LRRC7: variants seen among roughly 807,000 people sequenced by gnomAD.
The protein encoded by LRRC7 is leucine-rich repeat-containing protein 7.
In LRRC7, 23 loss-of-function variants were observed where a neutral mutation model predicts 175.7. That is an observed-to-expected ratio of 0.13 (90% CI 0.09 to 0.19). The LOEUF (loss-of-function observed/expected upper bound fraction) is 0.19, where lower values mean the gene tolerates loss of function less well. Among genes scored for constraint, LRRC7 ranks in the 10% least tolerant of loss-of-function variants. The pLI, the probability that LRRC7 is intolerant of heterozygous loss-of-function variation, is 1.00. For synonymous variants in LRRC7, 685 were observed against 680.9 expected, an observed-to-expected ratio of 1.01 and a Z score of -0.09; for missense variants, 1,354 against 1,904.7, an observed-to-expected ratio of 0.71 and a Z score of 5.38.
In LRRC7 at chr1:69,879,212, T is replaced by TAAAAAAAAAA. The variant is rs201332183; in HGVS notation, c.647+40944_647+40953dup. Among the ~76,000 whole-genome samples, 155 of 91,946 alleles carry TAAAAAAAAAA rather than the reference T, an allele frequency of 1.7e-3. 15 individuals are homozygous for TAAAAAAAAAA. Among genetic ancestry groups the TAAAAAAAAAA allele is most frequent in the African/African-American group, 7.6e-3 (146 of 19,172 alleles). 60.3% of individuals were successfully genotyped at this position (91,946 alleles called of 152,430 possible). Reference sequence around the variant, plus strand: ...TTTTGCTGTAAACCTAAAACTGCTTTAAAAAAAAAAAAAAAAAAAAAAAAG... The same window carrying TAAAAAAAAAA: ...TTTTGCTGTAAACCTAAAACTGCTTTAAAAAAAAAAAAAAAAAAAAAAAAAAAAAAAAAAG... On this transcript the variant is annotated intron_variant, in intron 7 of 26. Coordinates refer to ENST00000651989, the MANE Select transcript of LRRC7 (RefSeq NM_001370785.2).
chr1:69,747,720 G>C (rs1415924692), intron 2 of LRRC7, among the ~76,000 whole-genome samples: 1 of 151,920 alleles, frequency 6.6e-6, no homozygotes, highest in African/African-American at 2.4e-5. Context: ...CATGAATCAG[G>C]ATAAGTATGT....
intron 26 of LRRC7, among the ~76,000 whole-genome samples, chr1:70,113,727 CAAA>C (rs201499631): frequency 7.0e-6 from 1 of 142,054 alleles, no homozygotes; most frequent in African/African-American, 2.5e-5. Flanking sequence ...GACATATCTT[CAAA>C]AAAAAAAAAG....
At position 69,791,983 on chromosome 1, in the gene LRRC7, T is replaced by G. The variant is rs929238494; in HGVS notation, c.304-60T>G. The G allele has an allele frequency of 3.6e-6, 4 of 1,104,238 alleles. No homozygotes were observed. The African/African-American group carries it at 6.3e-5, about 17-fold the overall frequency. The allele number at this position is 1,104,238 out of a possible 1,614,324, so 68.4% of individuals were successfully genotyped here. A position where few individuals can be genotyped will look rare whatever the true frequency, so the allele number is the denominator to read the frequency against. ...AACATGGTGACTTTAATTTTGTTAC[T>G]GAGTTTATGAATGAATTTAACCAAA... is the stretch of plus-strand genomic sequence containing the variant. On this transcript the variant is annotated intron_variant, in intron 3 of 26. Transcript: ENST00000651989.
chr1:69,897,463 C>G (rs1302596799), intron 7 of LRRC7, among the ~76,000 whole-genome samples: 1 of 152,082 alleles, frequency 6.6e-6, no homozygotes, highest in Non-Finnish European at 1.5e-5. Flanking sequence ...TTTATTTCTA[C>G]TTCCTTCTTG....
chr1:69,941,654 TAAA>T (rs962966234), intron 8 of LRRC7, among the ~76,000 whole-genome samples: 5 of 151,534 alleles, frequency 3.3e-5, no homozygotes, highest in African/African-American at 1.2e-4. Context: ...TTATTCAGAA[TAAA>T]AAAAAGAAAC....
intron 1 of LRRC7, among the ~76,000 whole-genome samples, chr1:69,573,022 C>T (rs549785626): frequency 9.2e-5 from 14 of 152,202 alleles, no homozygotes; most frequent in African/African-American, 3.4e-4. Context: ...ATGAACATCA[C>T]TTGTCATACT....
intron 8 of LRRC7, among the ~76,000 whole-genome samples, chr1:69,960,583 G>A (rs1650960250): frequency 6.6e-6 from 1 of 150,406 alleles, no homozygotes; most frequent in South Asian, 2.1e-4. Context: ...TTGTTAAATT[G>A]AAATCTTTCT....
intron 1 of LRRC7, among the ~76,000 whole-genome samples, chr1:69,662,929 C>T (rs558470809): frequency 6.6e-6 from 1 of 152,320 alleles, no homozygotes; most frequent in East Asian, 1.9e-4. Flanking sequence ...ACAATTTTCT[C>T]ATTTCTCTTG....
intron 8 of LRRC7, among the ~76,000 whole-genome samples, chr1:69,956,070 G>A (rs536812238): frequency 6.6e-5 from 10 of 152,042 alleles, no homozygotes; most frequent in South Asian, 2.1e-4. Flanking sequence ...CTCTTAAAGA[G>A]CAGTTGTGGA....
At chr1:69,900,967 T>G (rs1276733686) in intron 7 of LRRC7, among the ~76,000 whole-genome samples, 6 of 152,214 alleles carry the variant, frequency 3.9e-5, no homozygotes, top group Non-Finnish European at 8.8e-5. Flanking sequence ...TATACAGTGG[T>G]TTTGCAGGCA....
chr1:69,778,887 C>G (rs1308222936), intron 3 of LRRC7, among the ~76,000 whole-genome samples: 1 of 149,648 alleles, frequency 6.7e-6, no homozygotes, highest in African/African-American at 2.4e-5. Context: ...CACACATACA[C>G]ACACACACAT....
intron 1 of LRRC7, among the ~76,000 whole-genome samples, chr1:69,615,819 C>T (rs909136466): frequency 6.6e-6 from 1 of 151,956 alleles, no homozygotes; most frequent in African/African-American, 2.4e-5. Context: ...AAAATGTATA[C>T]AGTTCATGAC....
intron 7 of LRRC7, among the ~76,000 whole-genome samples, chr1:69,886,943 G>GC (rs1472537282): frequency 2.6e-5 from 4 of 151,920 alleles, no homozygotes; most frequent in African/African-American, 9.7e-5. Flanking sequence ...TTGAAAATTG[G>GC]CCCCCACTCC....
rs1666927257 is a variant in LRRC7, at chr1:70,137,762, T to C, written c.*15875T>C. On this transcript the variant is annotated 3_prime_UTR_variant, in exon 27 of 27. Transcript: ENST00000651989. ...TGGCCTATCCAGCCAGAGCCTTCAA[T>C]TAAGAGTTCTCCAATGTTGACAATT... Among the ~76,000 whole-genome samples, 1 of 152,266 alleles carries C rather than the reference T, an allele frequency of 6.6e-6. No homozygotes were observed. The highest frequency in any genetic ancestry group is 2.4e-5 in the African/African-American group (1 of 41,478).
chr1:69,735,386 A>G lies in LRRC7; in HGVS notation c.101-24805A>G, dbSNP rs185075584. Reference sequence around the variant, plus strand: ...CTCCAGTCATCTTTTAAAAGGTCCCATATACTGGATTTGTTAATTATTTCT... The same window carrying G: ...CTCCAGTCATCTTTTAAAAGGTCCCGTATACTGGATTTGTTAATTATTTCT... On this transcript the variant is annotated intron_variant, in intron 2 of 26. Transcript: ENST00000651989. Among the ~76,000 whole-genome samples, 663 of 152,216 alleles carry G rather than the reference A, an allele frequency of 4.4e-3. 7 individuals carry two copies. Among genetic ancestry groups the G allele is most frequent in the Non-Finnish European group, 6.6e-3 (452 of 67,984 alleles).
chr1:69,774,194 A>G (rs1380843013), intron 3 of LRRC7, among the ~76,000 whole-genome samples: 1 of 152,198 alleles, frequency 6.6e-6, no homozygotes, highest in African/African-American at 2.4e-5. Context: ...CATCACCTTG[A>G]GAGAGCAATC....
At chr1:69,994,497 T>C (rs1557967821) in intron 10 of LRRC7, 64 bp from the exon 11 acceptor site, 1 of 1,142,542 alleles carries the variant, frequency 8.8e-7, no homozygotes, top group Non-Finnish European at 1.3e-6. Context: ...TGTGATTTCT[T>C]TTATATCACA....
intron 1 of LRRC7, among the ~76,000 whole-genome samples, chr1:69,673,676 A>G (rs1376427900): frequency 1.3e-5 from 2 of 152,220 alleles, no homozygotes; most frequent in Non-Finnish European, 2.9e-5. Flanking sequence ...TCAGTTATAT[A>G]ATAATTTAGA....
chr1:69,861,667 TA>T (rs1684369723), intron 7 of LRRC7, among the ~76,000 whole-genome samples: 1 of 152,178 alleles, frequency 6.6e-6, no homozygotes, highest in Non-Finnish European at 1.5e-5. Context: ...AATAAAGTGT[TA>T]AGCTGGGCCA....
Sources: gnomAD v4.1 joint callset for allele counts (sites outside exome capture counted in the v4.1 genomes callset) on GRCh38, gnomAD v4.1.1 for gene constraint, MANE v1.5 for transcripts, NCBI Gene and HGNC (gene_info 2026-07-23, HGNC 2026-07-21) for gene names.